The following SEC14L1 variants were observed in gnomAD, a reference collection of about 807,000 sequenced individuals.
SEC14L1 encodes SEC14 like lipid binding 1.
In SEC14L1, 48 loss-of-function variants were observed where a neutral mutation model predicts 85.3. The ratio of observed to expected loss-of-function variants is 0.56; its 90% CI spans 0.45 to 0.72. The LOEUF (loss-of-function observed/expected upper bound fraction) is 0.72. SEC14L1 is among the 30% of genes least tolerant of loss of function. The pLI is 0.00. For synonymous variants in SEC14L1, 391 were observed against 355.5 expected, an observed-to-expected ratio of 1.10 and a Z score of -1.12; for missense variants, 682 against 921.4, an observed-to-expected ratio of 0.74 and a Z score of 3.36.
intron 3 of SEC14L1, among the ~76,000 whole-genome samples, chr17:77,158,463 G>C (rs1180674024): frequency 6.6e-6 from 1 of 151,810 alleles, no homozygotes; most frequent in East Asian, 1.9e-4. Context: ...GTGTAACTGG[G>C]TTTTTTCACT....
At chr17:77,176,646 G>A (rs1203886952) in intron 3 of SEC14L1, among the ~76,000 whole-genome samples, 1 of 152,142 alleles carries the variant, frequency 6.6e-6, no homozygotes, top group Non-Finnish European at 1.5e-5. Context: ...GAGTGCAATG[G>A]CAGAGTCTTG....
At chr17:77,107,228 G>T (rs1971935263) in intron 3 of SEC14L1, among the ~76,000 whole-genome samples, 1 of 152,112 alleles carries the variant, frequency 6.6e-6, no homozygotes, top group Admixed American at 6.5e-5. Context: ...CCCACGCCAG[G>T]CTCCGGGCTC....
intron 3 of SEC14L1, among the ~76,000 whole-genome samples, chr17:77,122,155 A>C (rs1184563140): frequency 1.3e-5 from 2 of 152,258 alleles, no homozygotes; most frequent in Non-Finnish European, 2.9e-5. Flanking sequence ...TTTTACACAC[A>C]GTAGGTGGAT....
At chr17:77,205,504 C>T (rs955860683) in intron 11 of SEC14L1, among the ~76,000 whole-genome samples, 158 bp downstream of exon 11, 8 of 152,092 alleles carry the variant, frequency 5.3e-5, no homozygotes, top group Admixed American at 5.2e-4. Context: ...GAGGGACAGA[C>T]AGTTAGTGTT....
intron 3 of SEC14L1, among the ~76,000 whole-genome samples, chr17:77,103,237 T>G (rs576114503): frequency 6.6e-6 from 1 of 150,714 alleles, no homozygotes; most frequent in African/African-American, 2.4e-5. Flanking sequence ...CTCAGCCTCC[T>G]GAGTAGCTGG....
chr17:77,102,572 C>T (rs374224493), intron 3 of SEC14L1, among the ~76,000 whole-genome samples: 1 of 151,952 alleles, frequency 6.6e-6, no homozygotes. Flanking sequence ...GGCGTGATCT[C>T]GGCTCACTGC....
chr17:77,093,401 A>T (rs1193853738), intron 3 of SEC14L1: 1 of 152,056 alleles, frequency 6.6e-6, no homozygotes, highest in Non-Finnish European at 1.5e-5. Flanking sequence ...ACTGCTTAAG[A>T]CCCTGTTGTG....
At chr17:77,176,503 A>G (rs1320291188) in intron 3 of SEC14L1, among the ~76,000 whole-genome samples, 2 of 152,216 alleles carry the variant, frequency 1.3e-5, no homozygotes, top group Admixed American at 6.5e-5. Flanking sequence ...CTCTATCAGT[A>G]TGTTTGTTAA....
chr17:77,144,898 C>T (rs1307413875), intron 3 of SEC14L1: 1 of 152,012 alleles, frequency 6.6e-6, no homozygotes, highest in East Asian at 1.9e-4. Context: ...AGGCGTGAGC[C>T]ACCTCTCCTG....
chr17:77,106,864 G>T lies in SEC14L1; in HGVS notation c.-136+13517G>T, dbSNP rs142656527. 2.9e-3 allele frequency among the ~76,000 whole-genome samples: 436 copies of T among 152,228 alleles called. 3 individuals are homozygous for T. The highest frequency in any genetic ancestry group is 9.7e-3 in the South Asian group (47 of 4,826). ...AAAAAATAAAAAAGAAAAATTATTT[G>T]GTTCTCAGGAGAGAAATAGGCTGCG... is the stretch of plus-strand genomic sequence containing the variant. On this transcript the variant is annotated intron_variant, in intron 3 of 19. Transcript: ENST00000392476.
intron 3 of SEC14L1, among the ~76,000 whole-genome samples, chr17:77,128,528 G>A (rs1740784383): frequency 6.8e-6 from 1 of 147,654 alleles, no homozygotes; most frequent in Non-Finnish European, 1.5e-5. Context: ...GCACTGTCTT[G>A]GCTCACTGCA....
At chr17:77,137,771 GA>G (rs1972839156), upstream of SEC14L1, among the ~76,000 whole-genome samples, 1 of 152,154 alleles carries the variant, frequency 6.6e-6, no homozygotes, top group Non-Finnish European at 1.5e-5. Context: ...ACAAATTCCT[GA>G]AAAAGCATTT....
intron 3 of SEC14L1, among the ~76,000 whole-genome samples, chr17:77,148,347 T>C (rs983370341): frequency 3.9e-5 from 6 of 152,042 alleles, no homozygotes; most frequent in African/African-American, 1.2e-4. Flanking sequence ...CTCTGGTCTT[T>C]CTTCTGCTGA....
intron 3 of SEC14L1, among the ~76,000 whole-genome samples, chr17:77,158,304 C>A (rs371324557): frequency 6.6e-6 from 1 of 152,158 alleles, no homozygotes; most frequent in African/African-American, 2.4e-5. Flanking sequence ...AGCTCTGTCC[C>A]CATGAAACAC....
intron 3 of SEC14L1, among the ~76,000 whole-genome samples, chr17:77,100,269 G>C (rs1971737880): frequency 6.6e-6 from 1 of 152,162 alleles, no homozygotes; most frequent in South Asian, 2.1e-4. Context: ...GAGCACTGTG[G>C]TCATCTGTAC....
chr17:77,134,857 G>A (rs546695664), intron 3 of SEC14L1, among the ~76,000 whole-genome samples: 1 of 152,340 alleles, frequency 6.6e-6, no homozygotes, highest in South Asian at 2.1e-4. Flanking sequence ...GCCTTGTAAA[G>A]TGCTGGGATG....
At chr17:77,209,617 G>A (rs1294121215) in intron 14 of SEC14L1, 141 bp downstream of exon 14, 6 of 833,054 alleles carry the variant, frequency 7.2e-6, no homozygotes, top group Admixed American at 3.1e-5. Context: ...GTTGACACTC[G>A]ATATTTAGTT....
chr17:77,105,354 G>A (rs1971884640), intron 3 of SEC14L1, among the ~76,000 whole-genome samples: 2 of 146,328 alleles, frequency 1.4e-5, no homozygotes, highest in Non-Finnish European at 3.0e-5. Context: ...TCTAGCCTGT[G>A]ACATGCTCCT....
Position 77,100,426 on chromosome 17 carries a change from C to CTTTTT in SEC14L1, c.-136+7080_-136+7081insTTTTT, listed in dbSNP as rs1459984586. Among the ~76,000 whole-genome samples, 23 of 54,802 alleles carry CTTTTT rather than the reference C, an allele frequency of 4.2e-4. 1 individual carries two copies. Among genetic ancestry groups the CTTTTT allele is most frequent in the South Asian group, 8.5e-4 (1 of 1,178 alleles). The allele number at this position is 54,802 out of a possible 152,430, so 36.0% of individuals were successfully genotyped here. On this transcript the variant is annotated intron_variant, in intron 3 of 19. Coordinates refer to the SEC14L1 transcript ENST00000392476. ...TTTTTTCTTTTCTTTCTCTCTCTCT[C>CTTTTT]TCTTTTTTTTTTTTTTTTTTTTTTT... is the stretch of plus-strand genomic sequence containing the variant.
Sources: gnomAD v4.1 joint callset for allele counts (sites outside exome capture counted in the v4.1 genomes callset) on GRCh38, gnomAD v4.1.1 for gene constraint, MANE v1.5 for transcripts, NCBI Gene and HGNC (gene_info 2026-07-23, HGNC 2026-07-21) for gene names.